TNFSF4: variants seen among roughly 807,000 people sequenced by gnomAD.
TNFSF4 encodes the protein tumor necrosis factor ligand superfamily member 4.
A neutral mutation model predicts 7.3 loss-of-function variants in TNFSF4; 4 were observed. The observed-to-expected ratio is 0.55, with a 90% CI of 0.27 to 1.25. The LOEUF (loss-of-function observed/expected upper bound fraction) is 1.25, where lower values mean the gene tolerates loss of function less well. Ranked by LOEUF, TNFSF4 falls within the 50% of genes most tolerant of loss-of-function variation. The pLI, the probability that TNFSF4 is intolerant of heterozygous loss-of-function variation, is 0.12. For missense variants in TNFSF4, 181 were observed against 208.8 expected, an observed-to-expected ratio of 0.87 and a Z score of 0.82; for synonymous variants, 76 against 83.7, an observed-to-expected ratio of 0.91 and a Z score of 0.50.
chr1:173,191,856 TG>T (rs1221621904), intron 1 of TNFSF4, among the ~76,000 whole-genome samples: 1 of 152,218 alleles, frequency 6.6e-6, no homozygotes, highest in Non-Finnish European at 1.5e-5. Context: ...TCCAGCAGTT[TG>T]CCAGCACATG....
the TNFSF4 span, among the ~76,000 whole-genome samples, chr1:173,273,602 C>T: frequency 1.3e-5 from 2 of 151,888 alleles, no homozygotes; most frequent in Non-Finnish European, 1.5e-5. Context: ...ATGATTAGAT[C>T]GTCATTAAGC....
At chr1:173,326,313 A>G in the TNFSF4 span, among the ~76,000 whole-genome samples, 18,844 of 152,206 alleles carry the variant, frequency 0.12, 1,604 homozygotes, top group African/African-American at 0.24. Flanking sequence ...ACAAAATTCA[A>G]CAACCATTCA....
chr1:173,308,285 C>CTCTCTCTCTGTG, the TNFSF4 span, among the ~76,000 whole-genome samples: 146 of 135,108 alleles, frequency 1.1e-3, 1 homozygote, highest in African/African-American at 4.0e-3. Flanking sequence ...CTCTCTCTCT[C>CTCTCTCTCTGTG]TGTGTGTGTG....
chr1:173,323,969 C>G, the TNFSF4 span, among the ~76,000 whole-genome samples: 1 of 152,206 alleles, frequency 6.6e-6, no homozygotes, highest in Non-Finnish European at 1.5e-5. Context: ...CTTCCCCAAT[C>G]GAGCAAGGCA....
At chr1:173,243,767 C>G in the TNFSF4 span, among the ~76,000 whole-genome samples, 2 of 152,206 alleles carry the variant, frequency 1.3e-5, no homozygotes, top group African/African-American at 4.8e-5. Flanking sequence ...CCAGGATACA[C>G]TAAAACCTGC....
chr1:173,408,991 CTTAA>C, the TNFSF4 span, among the ~76,000 whole-genome samples: 2 of 152,248 alleles, frequency 1.3e-5, no homozygotes, highest in South Asian at 2.1e-4. Context: ...GCAGACACCT[CTTAA>C]TTAAGTGATC....
At chr1:173,276,911 C>T in the TNFSF4 span, among the ~76,000 whole-genome samples, 3 of 152,112 alleles carry the variant, frequency 2.0e-5, no homozygotes, top group Non-Finnish European at 4.4e-5. Flanking sequence ...AACAGTGATG[C>T]TGTGATAGAA....
At chr1:173,281,288 A>T in the TNFSF4 span, among the ~76,000 whole-genome samples, 1 of 152,166 alleles carries the variant, frequency 6.6e-6, no homozygotes, top group African/African-American at 2.4e-5. Context: ...GATGTAGAGG[A>T]TTATATTATA....
the TNFSF4 span, among the ~76,000 whole-genome samples, chr1:173,220,631 C>T: frequency 3.3e-5 from 5 of 152,100 alleles, no homozygotes; most frequent in Non-Finnish European, 7.4e-5. Flanking sequence ...CCATGATGAA[C>T]TTAGTGCCCT....
At chr1:173,299,671 A>T in the TNFSF4 span, among the ~76,000 whole-genome samples, 16 of 151,958 alleles carry the variant, frequency 1.1e-4, no homozygotes, top group African/African-American at 3.9e-4. Flanking sequence ...TTAAGGCTTT[A>T]TATGGCTTTA....
the TNFSF4 span, among the ~76,000 whole-genome samples, chr1:173,317,225 T>C: frequency 1.3e-5 from 2 of 152,220 alleles, no homozygotes; most frequent in Non-Finnish European, 2.9e-5. Flanking sequence ...AGGAGCCAGA[T>C]ACATGACTGT....
the TNFSF4 span, among the ~76,000 whole-genome samples, chr1:173,405,854 A>G: frequency 2.6e-5 from 4 of 152,264 alleles, no homozygotes; most frequent in Admixed American, 1.3e-4. Flanking sequence ...TTTAAAAAGC[A>G]ATTGACAGAA....
chr1:173,301,394 A>G, the TNFSF4 span, among the ~76,000 whole-genome samples: 1 of 151,900 alleles, frequency 6.6e-6, no homozygotes, highest in African/African-American at 2.4e-5. Context: ...TGTCTAAAAA[A>G]TGGAGTTATT....
chr1:173,395,035 G>A, the TNFSF4 span, among the ~76,000 whole-genome samples: 3 of 53,332 alleles, frequency 5.6e-5, no homozygotes, highest in South Asian at 5.3e-4. Context: ...TAGATAGATA[G>A]ATGATAGATA....
chr1:173,449,719 C>A, the TNFSF4 span, among the ~76,000 whole-genome samples: 2 of 152,094 alleles, frequency 1.3e-5, no homozygotes, highest in East Asian at 3.9e-4. Context: ...AAAAGGAAAG[C>A]CACAAAGGAA....
At chr1:173,177,643 G>A in the TNFSF4 span, among the ~76,000 whole-genome samples, 1 of 152,088 alleles carries the variant, frequency 6.6e-6, no homozygotes, top group Admixed American at 6.5e-5. Flanking sequence ...GTTAGCAATT[G>A]CAGTTTTCAG....
chr1:173,176,340 A>T, the TNFSF4 span, among the ~76,000 whole-genome samples: 1 of 152,168 alleles, frequency 6.6e-6, no homozygotes, highest in Non-Finnish European at 1.5e-5. Flanking sequence ...GATATTATTA[A>T]TGAGGATACT....
downstream of TNFSF4, among the ~76,000 whole-genome samples, chr1:173,182,017 G>A (rs10127728): frequency 1.2e-4 from 18 of 152,082 alleles, no homozygotes; most frequent in Non-Finnish European, 1.5e-4. Context: ...GTTGAAATCC[G>A]CAGGGACTAC....
At chr1:173,353,704 G>C in the TNFSF4 span, among the ~76,000 whole-genome samples, 1 of 152,120 alleles carries the variant, frequency 6.6e-6, no homozygotes, top group African/African-American at 2.4e-5. Flanking sequence ...TTTCTGTAGA[G>C]TAAAAAAATC....
Sources: gnomAD v4.1 joint callset for allele counts (sites outside exome capture counted in the v4.1 genomes callset) on GRCh38, gnomAD v4.1.1 for gene constraint, MANE v1.5 for transcripts, NCBI Gene and HGNC (gene_info 2026-07-23, HGNC 2026-07-21) for gene names.